Variants in CDC42BPA observed in about 807,000 individuals in gnomAD.
The protein encoded by CDC42BPA is CDC42 binding protein kinase alpha.
A neutral mutation model predicts 223.5 loss-of-function variants in CDC42BPA; 80 were observed. The ratio of observed to expected loss-of-function variants is 0.36; its 90% CI spans 0.30 to 0.43. CDC42BPA has a LOEUF of 0.43. CDC42BPA is among the 20% of genes least tolerant of loss of function. The probability of loss-of-function intolerance (pLI) is 1.00; values close to 1 mark genes in which losing one functional copy is unlikely to be tolerated. For synonymous variants in CDC42BPA, 694 were observed against 718.6 expected, an observed-to-expected ratio of 0.97 and a Z score of 0.55; for missense variants, 1,743 against 2,099.9, an observed-to-expected ratio of 0.83 and a Z score of 3.32.
At chr1:226,995,106 G>T in intron 35 of CDC42BPA, 126 bp from the exon 36 acceptor site, 1 of 787,542 alleles carries the variant, frequency 1.3e-6, no homozygotes, top group Non-Finnish European at 2.0e-6. Flanking sequence ...CTGAAGCGCA[G>T]TAAGTCCAAC....
At chr1:227,193,039 A>G (rs1669973795) in intron 5 of CDC42BPA, among the ~76,000 whole-genome samples, 1 of 150,848 alleles carries the variant, frequency 6.6e-6, no homozygotes, top group South Asian at 2.1e-4. Context: ...AGTGATTTCT[A>G]GAAATGCTGA....
At chr1:227,131,717 C>T (rs1657146261) in intron 10 of CDC42BPA, among the ~76,000 whole-genome samples, 1 of 152,150 alleles carries the variant, frequency 6.6e-6, no homozygotes, top group Non-Finnish European at 1.5e-5. Flanking sequence ...ATTGTGGAAT[C>T]ATGTAAGGAA....
chr1:227,065,059 T>A (rs540229163), intron 21 of CDC42BPA, among the ~76,000 whole-genome samples: 1 of 151,484 alleles, frequency 6.6e-6, no homozygotes, highest in South Asian at 2.1e-4. Context: ...ATCGCGCCAC[T>A]GCACTCCAGC....
intron 2 of CDC42BPA, 60 bp downstream of exon 2, chr1:227,254,004 A>G: frequency 1.1e-6 from 1 of 902,094 alleles, no homozygotes; most frequent in Non-Finnish European, 1.8e-6. Context: ...TTCTCTCACA[A>G]TTGTGTTCAA....
intron 1 of CDC42BPA, among the ~76,000 whole-genome samples, chr1:227,272,665 T>C (rs2148479677): frequency 6.6e-6 from 1 of 152,348 alleles, no homozygotes; most frequent in African/African-American, 2.4e-5. Context: ...CAAGTGACCC[T>C]CTGCCTCAGC....
At chr1:227,182,170 C>T (rs1224057141) in intron 5 of CDC42BPA, among the ~76,000 whole-genome samples, 1 of 152,170 alleles carries the variant, frequency 6.6e-6, no homozygotes, top group Non-Finnish European at 1.5e-5. Context: ...CCTCATGGCT[C>T]ATCGGTCCTG....
intron 3 of CDC42BPA, among the ~76,000 whole-genome samples, chr1:227,211,028 T>C (rs1673784085): frequency 1.3e-5 from 2 of 152,180 alleles, no homozygotes; most frequent in African/African-American, 4.8e-5. Context: ...CTCCCTTCCC[T>C]TCTACAGGTA....
At chr1:227,155,347 C>T (rs1414619546) in intron 6 of CDC42BPA, among the ~76,000 whole-genome samples, 1 of 152,102 alleles carries the variant, frequency 6.6e-6, no homozygotes, top group East Asian at 1.9e-4. Flanking sequence ...TATGTCCAGA[C>T]AAACTATCAA....
At chr1:227,305,530 A>G (rs1303071841) in intron 1 of CDC42BPA, among the ~76,000 whole-genome samples, 1 of 152,216 alleles carries the variant, frequency 6.6e-6, no homozygotes, top group Non-Finnish European at 1.5e-5. Context: ...AAAGATTACT[A>G]GGTCCTCTCA....
intron 6 of CDC42BPA, among the ~76,000 whole-genome samples, chr1:227,151,881 CAAA>C (rs58336726): frequency 3.5e-5 from 3 of 85,774 alleles, no homozygotes; most frequent in Non-Finnish European, 6.5e-5. Flanking sequence ...CCAGTCTCTA[CAAA>C]AAAAAAAAAA....
At chr1:227,262,122 T>C (rs1224911636) in intron 1 of CDC42BPA, among the ~76,000 whole-genome samples, 4 of 152,058 alleles carry the variant, frequency 2.6e-5, no homozygotes, top group Non-Finnish European at 5.9e-5. Context: ...ATGGGAAGAT[T>C]AGTACCCTCA....
At chr1:227,011,013 A>G (rs757267927) in intron 34 of CDC42BPA, 1 of 1,360,304 alleles carries the variant, frequency 7.4e-7, no homozygotes, top group African/African-American at 1.5e-5. Flanking sequence ...AGTTGATCGG[A>G]GAGGAGATCA....
chr1:226,997,398 C>A (rs1230225534), intron 35 of CDC42BPA, among the ~76,000 whole-genome samples: 2 of 152,026 alleles, frequency 1.3e-5, no homozygotes, highest in African/African-American at 4.8e-5. Context: ...TTCAAAAAAC[C>A]AGCTCCTGGA....
chr1:227,244,017 T>TAA lies in CDC42BPA; in HGVS notation c.270+10045_270+10046dup, dbSNP rs78926711. ...CTCACTCACCAAAAAAAAACTAAAG[T>TAA]AAAAAAAAAAAAAGACCCATGTTAG... On this transcript the variant is annotated intron_variant, in intron 2 of 36. Coordinates refer to ENST00000366766, the MANE Select transcript of CDC42BPA (RefSeq NM_001394014.1). 3.1e-3 allele frequency among the ~76,000 whole-genome samples: 396 copies of TAA among 128,584 alleles called. 12 individuals carry two copies. In the East Asian group the frequency reaches 0.057, roughly 19 times the overall value. The allele number at this position is 128,584 out of a possible 152,430, so 84.4% of individuals were successfully genotyped here.
At chr1:227,025,239 TCTC>T (rs1668047963) in intron 31 of CDC42BPA, among the ~76,000 whole-genome samples, 1 of 152,028 alleles carries the variant, frequency 6.6e-6, no homozygotes, top group Non-Finnish European at 1.5e-5. Context: ...CGAGACCCTG[TCTC>T]AAAAACAAAA....
At chr1:227,297,384 CA>C (rs1414130052) in intron 1 of CDC42BPA, among the ~76,000 whole-genome samples, 1 of 152,062 alleles carries the variant, frequency 6.6e-6, no homozygotes, top group Non-Finnish European at 1.5e-5. Flanking sequence ...GGCAGTTCCT[CA>C]AAAAGTTAAA....
chr1:227,308,434 C>T (rs886372122), intron 1 of CDC42BPA, among the ~76,000 whole-genome samples: 1 of 144,828 alleles, frequency 6.9e-6, no homozygotes, highest in Admixed American at 7.3e-5. Context: ...TGCCTGACCT[C>T]GGGAGGTAGA....
At chr1:227,194,874 C>G (rs1319401867) in intron 4 of CDC42BPA, among the ~76,000 whole-genome samples, 1 of 152,084 alleles carries the variant, frequency 6.6e-6, no homozygotes, top group South Asian at 2.1e-4. Context: ...TCTCATCTAC[C>G]TAACTACAAT....
intron 16 of CDC42BPA, among the ~76,000 whole-genome samples, chr1:227,089,771 T>C (rs1167595232): frequency 1.3e-5 from 2 of 152,106 alleles, no homozygotes; most frequent in East Asian, 3.8e-4. Context: ...ATGAGAAGTT[T>C]TGAAAAATTC....
Sources: allele counts gnomAD v4.1 joint callset (sites outside exome capture counted in the v4.1 genomes callset), GRCh38; gene constraint gnomAD v4.1.1; transcripts MANE v1.5; gene names NCBI Gene and HGNC (gene_info 2026-07-23, HGNC 2026-07-21).